The following PRKCH variants were observed in gnomAD, a reference collection of about 807,000 sequenced individuals.
The protein encoded by PRKCH is protein kinase C eta.
A neutral mutation model predicts 82.5 loss-of-function variants in PRKCH; 28 were observed. That is an observed-to-expected ratio of 0.34 (90% CI 0.25 to 0.47). PRKCH has a LOEUF of 0.47. Among genes scored for constraint, PRKCH ranks in the 20% least tolerant of loss-of-function variants. PRKCH has a pLI of 1.00. For missense variants in PRKCH, 705 were observed against 881.8 expected (o/e 0.80, Z 2.54); for synonymous variants, 322 against 327.4 (o/e 0.98, Z 0.18).
intron 10 of PRKCH, among the ~76,000 whole-genome samples, chr14:61,503,057 T>C (rs1482408777): frequency 1.5e-5 from 2 of 137,720 alleles, no homozygotes; most frequent in African/African-American, 5.3e-5. Flanking sequence ...GAGAAAAATA[T>C]ACTGTGGCGG....
At chr14:61,434,123 A>C (rs900823194) in intron 2 of PRKCH, among the ~76,000 whole-genome samples, 3 of 152,358 alleles carry the variant, frequency 2.0e-5, no homozygotes, top group Non-Finnish European at 2.9e-5. Context: ...TGAATGAGAC[A>C]TGTTCTCTCC....
At chr14:61,507,523 A>T (rs1391370207) in intron 10 of PRKCH, among the ~76,000 whole-genome samples, 2 of 152,214 alleles carry the variant, frequency 1.3e-5, no homozygotes, top group African/African-American at 4.8e-5. Flanking sequence ...CAAAATATGG[A>T]AACAATCTAA....
intron 3 of PRKCH, 35 bp downstream of exon 3, chr14:61,443,296 C>T (rs746703690): frequency 6.3e-7 from 1 of 1,593,534 alleles, no homozygotes; most frequent in Admixed American, 1.7e-5. Flanking sequence ...CTCCTCAGAG[C>T]TTCCATCTAA....
At chr14:61,460,558 A>T (rs965090024) in intron 9 of PRKCH, among the ~76,000 whole-genome samples, 1 of 152,160 alleles carries the variant, frequency 6.6e-6, no homozygotes, top group Non-Finnish European at 1.5e-5. Flanking sequence ...CCTTATAGTA[A>T]CCCTCTGAAA....
At chr14:61,288,559 C>A (rs560313882) in intron 1 of PRKCH, among the ~76,000 whole-genome samples, 1 of 150,492 alleles carries the variant, frequency 6.6e-6, no homozygotes, top group Non-Finnish European at 1.5e-5. Flanking sequence ...GGGCCCCTGA[C>A]TTTTTCTCTG....
chr14:61,440,526 C>A (rs1045619648), intron 2 of PRKCH, among the ~76,000 whole-genome samples: 1 of 152,224 alleles, frequency 6.6e-6, no homozygotes, highest in Admixed American at 6.5e-5. Flanking sequence ...TCTTTGAGAT[C>A]TATTGTGTAG....
chr14:61,214,473 A>G (rs1215829164), intron 1 of PRKCH, among the ~76,000 whole-genome samples: 1 of 152,142 alleles, frequency 6.6e-6, no homozygotes, highest in East Asian at 1.9e-4. Flanking sequence ...GCTTCATGAT[A>G]GTTAATCTTG....
intron 1 of PRKCH, among the ~76,000 whole-genome samples, chr14:61,339,575 G>A (rs1293285219): frequency 6.8e-6 from 1 of 147,800 alleles, no homozygotes; most frequent in Admixed American, 6.7e-5. Context: ...CACCTGCCTC[G>A]GCCTCCCAAA....
intron 5 of PRKCH, among the ~76,000 whole-genome samples, chr14:61,450,392 T>C (rs1467866007): frequency 6.6e-6 from 1 of 152,248 alleles, no homozygotes; most frequent in Non-Finnish European, 1.5e-5. Flanking sequence ...TGTGGTTCCA[T>C]GGCCTCTGAG....
At chr14:61,212,637 T>G (rs1226683864) in intron 1 of PRKCH, among the ~76,000 whole-genome samples, 2 of 152,242 alleles carry the variant, frequency 1.3e-5, no homozygotes, top group Admixed American at 6.5e-5. Flanking sequence ...CTGAAAGCCC[T>G]GGTTAATGTA....
At chr14:61,266,340 C>T (rs1240668156) in intron 1 of PRKCH, among the ~76,000 whole-genome samples, 2 of 152,090 alleles carry the variant, frequency 1.3e-5, no homozygotes, top group Admixed American at 6.6e-5. Flanking sequence ...ATCACTTGAA[C>T]CTGGGAGGCA....
intron 1 of PRKCH, among the ~76,000 whole-genome samples, chr14:61,357,338 A>T (rs770716252): frequency 5.6e-4 from 85 of 152,184 alleles, no homozygotes; most frequent in Non-Finnish European, 1.1e-3. Context: ...AGCAACTTGA[A>T]ACTTCTTAGA....
chr14:61,359,636 C>G (rs1232571618), intron 1 of PRKCH, among the ~76,000 whole-genome samples: 1 of 152,190 alleles, frequency 6.6e-6, no homozygotes, highest in Non-Finnish European at 1.5e-5. Context: ...GTAAACTAGA[C>G]TGACCTACTT....
At chr14:61,401,386 A>C (rs1566860338) in intron 2 of PRKCH, among the ~76,000 whole-genome samples, 1 of 152,152 alleles carries the variant, frequency 6.6e-6, no homozygotes, top group South Asian at 2.1e-4. Context: ...AAGTGAAAAA[A>C]CTAGGTGGTG....
chr14:61,470,415 C>T (rs11623371), intron 9 of PRKCH, among the ~76,000 whole-genome samples: 16,741 of 152,112 alleles, frequency 0.11, 1,807 homozygotes, highest in African/African-American at 0.28. Context: ...CTGTCTACCT[C>T]CCGTCTCCAT....
chr14:61,477,383 T>C (rs954306170), intron 9 of PRKCH: 46 of 152,356 alleles, frequency 3.0e-4, no homozygotes, highest in African/African-American at 1.0e-3. Flanking sequence ...ATTCTGAGTA[T>C]GGTGGCTATT....
chr14:61,332,925 C>T (rs558532102), intron 1 of PRKCH, among the ~76,000 whole-genome samples: 6 of 152,260 alleles, frequency 3.9e-5, no homozygotes, highest in Middle Eastern at 3.4e-3. Context: ...GTGGTCCTTC[C>T]GGTGTCAGAG....
chr14:61,352,791 T>C (rs2046100392), intron 1 of PRKCH, among the ~76,000 whole-genome samples: 1 of 152,168 alleles, frequency 6.6e-6, no homozygotes. Context: ...CAGAGAGGCA[T>C]GCCTGGTATG....
rs879343443 is a variant in PRKCH at position 61,345,526 on chromosome 14, G to A, written c.363+23062G>A. On this transcript the variant is annotated intron_variant, in intron 1 of 13. Transcript: ENST00000332981. Reference sequence around the variant, plus strand: ...ACTTGTTCCTTCTCTCTTAAATTCTGCTGCAGTGTTGGAGCAGGGAAGGCG... The same window carrying A: ...ACTTGTTCCTTCTCTCTTAAATTCTACTGCAGTGTTGGAGCAGGGAAGGCG... Among the ~76,000 whole-genome samples the A allele has an allele frequency of 4.6e-5, 7 of 152,154 alleles. No individual in the cohort carries two copies. In the South Asian group the frequency reaches 6.2e-4, roughly 13 times the overall value.
Sources: allele counts gnomAD v4.1 joint callset (sites outside exome capture counted in the v4.1 genomes callset), GRCh38; gene constraint gnomAD v4.1.1; transcripts MANE v1.5; gene names NCBI Gene and HGNC (gene_info 2026-07-23, HGNC 2026-07-21).